Variants in TMEM134 observed in about 807,000 individuals in gnomAD.
The protein encoded by TMEM134 is transmembrane protein 134.
Under a neutral mutation model 26.2 loss-of-function variants are expected in TMEM134, and 36 were observed. The observed-to-expected ratio is 1.37, with a 90% CI of 1.05 to 1.81. The LOEUF (loss-of-function observed/expected upper bound fraction) is 1.81, where lower values mean the gene tolerates loss of function less well. Among genes scored for constraint, TMEM134 ranks in the 40% most tolerant of loss-of-function variants. TMEM134 has a pLI of 0.00. For missense variants in TMEM134, 339 were observed against 263.5 expected, an observed-to-expected ratio of 1.29 and a Z score of -1.98; for synonymous variants, 133 against 113.6, an observed-to-expected ratio of 1.17 and a Z score of -1.08.
At chr11:67,468,195 C>T (rs1236535345) in intron 1 of TMEM134, 103 bp from the exon 2 acceptor site, 36 of 1,107,204 alleles carry the variant, frequency 3.3e-5, no homozygotes, top group Non-Finnish European at 4.6e-5. Flanking sequence ...TGCCTGGCCG[C>T]CTGGCAGCTG....
rs1443472942 is a variant in TMEM134 at position 67,462,089 on chromosome 11, T to G, written c.*2525A>C. ...AGAAGGCTGAGGCATGAGAATCGCT[T>G]AAACCGGGAGGCAGAGGATGCAGTG... On this transcript the variant is annotated 3_prime_UTR_variant, in exon 7 of 7. Transcript: ENST00000308022. The G allele has an allele frequency of 1.4e-5, 2 of 145,174 alleles. No individual in the cohort carries two copies. The highest frequency in any genetic ancestry group is 4.1e-4 in the East Asian group (2 of 4,824). The allele number at this position is 145,174 out of a possible 1,614,324, so 9.0% of individuals were successfully genotyped here.
At chr11:67,464,940 C>T in intron 5 of TMEM134, 84 bp from the exon 6 acceptor site, 14 of 1,558,832 alleles carry the variant, frequency 9.0e-6, no homozygotes, top group South Asian at 3.4e-5. Flanking sequence ...CCCGGGCAAG[C>T]CTCACTCCCA....
intron 1 of TMEM134, 106 bp downstream of exon 1, chr11:67,468,913 C>T (rs1419899113): frequency 1.2e-5 from 14 of 1,166,794 alleles, no homozygotes; most frequent in Non-Finnish European, 1.6e-5. Flanking sequence ...TCTCGCGCTT[C>T]AGCTGGGGCC....
rs1298844006 is a variant in TMEM134 at position 67,464,655 on chromosome 11, G to A, written c.547C>T (p.Arg183Trp). 5 of 1,553,824 alleles carry A rather than the reference G, an allele frequency of 3.2e-6. No individual in the cohort carries two copies. The highest frequency in any genetic ancestry group is 2.0e-5 in the Admixed American group (1 of 51,280). ...GGCAGGTAGAAGAACTGGAAGCCCC[G>A]GTGGCCCTTGACCGCGCAGTAGATG... is the stretch of plus-strand genomic sequence containing the variant. ...IFIYCAVKGH[R>W]GFQFFYLPYF... The change falls in exon 7 of 7, where the codon CGG (arginine) becomes TGG (tryptophan). Residue 183 changes from arginine to tryptophan, a missense_variant. Physicochemically the swap from Arg to Trp is moderately radical, Grantham distance 101. Transcript: ENST00000308022.
chr11:67,467,741 G>A (rs1865364669), intron 2 of TMEM134, 151 bp from the exon 3 acceptor site: 1 of 750,094 alleles, frequency 1.3e-6, no homozygotes, highest in African/African-American at 1.7e-5. Context: ...GGGTGAGCAT[G>A]AATTCAGGGG....
In TMEM134 at chr11:67,469,136, C is replaced by T. The variant is rs1395323287; in HGVS notation, c.57G>A (p.Glu19=). Residue 19 remains glutamate (E), a synonymous_variant, in exon 1 of 7, where the codon GAG becomes GAA. Transcript: ENST00000308022. ...TGGACTCGGGCCCAGGGCCCCCGTC[C>T]TCCAGGGACAGCTCGAAGGCATCAT... The part of the protein sequence containing the change: ...SIDDAFELSL[E]DGGPGPESSG... The T allele has an allele frequency of 2.0e-6, 3 of 1,487,902 alleles. No homozygotes were observed. The Admixed American group carries it at 6.7e-5, about 33-fold the overall frequency. The allele number at this position is 1,487,902 out of a possible 1,614,324, so 92.2% of individuals were successfully genotyped here.
Position 67,463,890 on chromosome 11 carries a change from C to T in TMEM134, c.*724G>A, listed in dbSNP as rs1234789731. ...TCTGTCAGGCGCGGCTTCCTATGCC[C>T]TCTGCCCCCAGGTTCTCCCAACCTC... On this transcript the variant is annotated 3_prime_UTR_variant, in exon 7 of 7. Coordinates refer to ENST00000308022, the MANE Select transcript of TMEM134 (RefSeq NM_025124.4). 6.5e-6 allele frequency: 1 copy of T among 152,690 alleles called. No individual in the cohort carries two copies. Among genetic ancestry groups the T allele is most frequent in the African/African-American group, 2.4e-5 (1 of 41,464 alleles). The allele number at this position is 152,690 out of a possible 1,614,324, so 9.5% of individuals were successfully genotyped here.
In TMEM134 at chr11:67,469,076, C is replaced by T; in HGVS notation, c.117G>A (p.Glu39=). ...CAGCCACCTCGAACCGGGCCCGACG[C>T]TCGAAGTGCAGCGGCCCAAAGCGCG... ...GVARFGPLHF[E]RRARFEVADE... Residue 39 remains glutamate (E), a synonymous_variant, in exon 1 of 7, where the codon GAG becomes GAA. Coordinates refer to ENST00000308022, the MANE Select transcript of TMEM134 (RefSeq NM_025124.4). 1 of 1,515,770 alleles carries T rather than the reference C, an allele frequency of 6.6e-7. No individual in the cohort carries two copies. The highest frequency in any genetic ancestry group is 1.2e-5 in the South Asian group (1 of 82,266). 93.9% of individuals were successfully genotyped at this position (1,515,770 alleles called of 1,614,324 possible).
Position 67,469,161 on chromosome 11 carries a change from T to C in TMEM134, c.32A>G (p.Asp11Gly). The C allele has an allele frequency of 5.5e-6, 8 of 1,445,922 alleles. No homozygotes were observed. The highest frequency in any genetic ancestry group is 7.3e-6 in the Non-Finnish European group (8 of 1,093,358). 89.6% of individuals were successfully genotyped at this position (1,445,922 alleles called of 1,614,324 possible). Residue 11 changes from aspartate (D) to glycine (G), a missense_variant, in exon 1 of 7, where the codon GAT (aspartate) becomes GGT (glycine). Coordinates refer to ENST00000308022, the MANE Select transcript of TMEM134 (RefSeq NM_025124.4). Reference sequence around the variant, plus strand: ...CTCCAGGGACAGCTCGAAGGCATCATCAATGCTGAACTGGGGCCGGGCGGC... The same window carrying C: ...CTCCAGGGACAGCTCGAAGGCATCACCAATGCTGAACTGGGGCCGGGCGGC... MSAARPQFSI[D>G]DAFELSLEDG...
chr11:67,464,873 A>G lies in TMEM134; in HGVS notation c.452-17T>C, dbSNP rs1245428219. 1 of 1,609,760 alleles carries G rather than the reference A, an allele frequency of 6.2e-7. No individual in the cohort carries two copies. The highest frequency in any genetic ancestry group is 1.3e-5 in the African/African-American group (1 of 74,956). ...TGGAGACACCTGCGGGAGGGACCAG[A>G]GCCCGGTCAGGGCGAGGGGGCGGAG... On this transcript the variant is annotated splice_polypyrimidine_tract_variant and intron_variant, in intron 5 of 6. Transcript: ENST00000308022.
intron 6 of TMEM134, 44 bp downstream of exon 6, chr11:67,464,759 C>G: frequency 6.4e-7 from 1 of 1,552,110 alleles, no homozygotes; most frequent in Admixed American, 2.0e-5. Flanking sequence ...CCCCCAGTGC[C>G]GCCCCACAGC....
chr11:67,466,466 T>C (rs925759589), intron 4 of TMEM134: 3 of 152,218 alleles, frequency 2.0e-5, no homozygotes, highest in Non-Finnish European at 4.4e-5. Context: ...CCTTGCTGGG[T>C]TGAGGGGAAA....
At chr11:67,465,573 AG>A (rs1216272648) in intron 4 of TMEM134, among the ~76,000 whole-genome samples, 1 of 121,968 alleles carries the variant, frequency 8.2e-6, no homozygotes, top group African/African-American at 3.1e-5. Context: ...CAAGGGGGGT[AG>A]TAAGCCTGGG....
intron 1 of TMEM134, 30 bp downstream of exon 1, chr11:67,468,989 G>A (rs1457090096): frequency 6.9e-7 from 1 of 1,454,092 alleles, no homozygotes; most frequent in Non-Finnish European, 9.1e-7. Context: ...CCGGCCGGGG[G>A]CAGGGGGTTA....
chr11:67,468,872 CAA>C, intron 1 of TMEM134, 145 bp downstream of exon 1: 2 of 881,404 alleles, frequency 2.3e-6, no homozygotes, highest in Non-Finnish European at 1.6e-6. Context: ...GGCTCTGGAT[CAA>C]GAGTCACGTC....
chr11:67,468,868 G>A, intron 1 of TMEM134, 151 bp downstream of exon 1: 1 of 852,082 alleles, frequency 1.2e-6, no homozygotes, highest in South Asian at 2.6e-5. Context: ...GCAGGGCTCT[G>A]GATCAAGAGT....
chr11:67,468,943 G>T, intron 1 of TMEM134, 76 bp downstream of exon 1: 1 of 1,345,482 alleles, frequency 7.4e-7, no homozygotes, highest in Non-Finnish European at 9.6e-7. Flanking sequence ...ATGCTTCCCC[G>T]AGTTGAGGCC....
intron 4 of TMEM134, 32 bp from the exon 5 acceptor site, chr11:67,465,132 C>A: frequency 6.4e-7 from 1 of 1,556,524 alleles, no homozygotes; most frequent in Non-Finnish European, 8.6e-7. Context: ...GGGGTGGGGG[C>A]AGGAGCAGTG....
In TMEM134 at chr11:67,462,580, C is replaced by G. The variant is rs1183953494; in HGVS notation, c.*2034G>C. 1.3e-5 allele frequency: 2 copies of G among 152,218 alleles called. No homozygotes were observed. The highest frequency in any genetic ancestry group is 1.3e-4 in the Admixed American group (2 of 15,294). The allele number at this position is 152,218 out of a possible 1,614,324, so 9.4% of individuals were successfully genotyped here. The stretch of plus-strand genomic sequence containing the variant: ...CTGTTGGCCAGGCTGGTCTCGAACT[C>G]CTGACCTCATGATTCACCTGCCTCG... On this transcript the variant is annotated 3_prime_UTR_variant, in exon 7 of 7. Transcript: ENST00000308022.
Sources: allele counts gnomAD v4.1 joint callset (sites outside exome capture counted in the v4.1 genomes callset), GRCh38; gene constraint gnomAD v4.1.1; transcripts MANE v1.5; gene names NCBI Gene and HGNC (gene_info 2026-07-23, HGNC 2026-07-21).